Variants in ANK3 observed in about 807,000 individuals in gnomAD.
ANK3 encodes the protein ankyrin 3.
In ANK3, 57 loss-of-function variants were observed where a neutral mutation model predicts 370.9. The observed-to-expected ratio is 0.15, with a 90% confidence interval of 0.12 to 0.19. ANK3 has a LOEUF of 0.19. ANK3 is among the 10% of genes least tolerant of loss of function. ANK3 has a pLI of 1.00. For synonymous variants in ANK3, 1,929 were observed against 1,946.3 expected (o/e 0.99, Z 0.23); for missense variants, 4,439 against 5,302.1 (o/e 0.84, Z 5.06).
chr10:60,657,979 A>C (rs1588983276), intron 1 of ANK3, among the ~76,000 whole-genome samples: 1 of 146,522 alleles, frequency 6.8e-6, no homozygotes, highest in Non-Finnish European at 1.5e-5. Flanking sequence ...ATTGACTCTA[A>C]TTTTACTCCT....
chr10:60,714,781 A>G (rs2079758645), intron 1 of ANK3, among the ~76,000 whole-genome samples: 1 of 152,164 alleles, frequency 6.6e-6, no homozygotes, highest in Non-Finnish European at 1.5e-5. Context: ...TTAAGCCCCT[A>G]GAGTTTGAGA....
At chr10:60,386,253 G>A (rs1346850522) in intron 1 of ANK3, among the ~76,000 whole-genome samples, 1 of 152,066 alleles carries the variant, frequency 6.6e-6, no homozygotes, top group African/African-American at 2.4e-5. Context: ...GCAGAGAAGT[G>A]TGAAGGGAAA....
chr10:60,111,770 C>T, intron 26 of ANK3: 1 of 455,788 alleles, frequency 2.2e-6, no homozygotes, highest in Non-Finnish European at 4.4e-6. Flanking sequence ...AGAATAGCTG[C>T]AAAATAATTT....
chr10:60,667,550 C>T (rs1039805304), intron 1 of ANK3, among the ~76,000 whole-genome samples: 9 of 151,758 alleles, frequency 5.9e-5, no homozygotes, highest in Non-Finnish European at 1.0e-4. Flanking sequence ...TCAAAGTCAT[C>T]GTAGATATAG....
intron 2 of ANK3, among the ~76,000 whole-genome samples, chr10:60,435,575 C>T (rs1316065646): frequency 6.6e-6 from 1 of 152,136 alleles, no homozygotes; most frequent in Non-Finnish European, 1.5e-5. Context: ...AGAATTACCA[C>T]TATCTAATTT....
chr10:60,058,574 A>G (rs1032625052), intron 41 of ANK3, among the ~76,000 whole-genome samples: 7 of 152,224 alleles, frequency 4.6e-5, no homozygotes, highest in Non-Finnish European at 2.9e-5. Flanking sequence ...CACTTTTTAC[A>G]TTAAGACATT....
intron 42 of ANK3, chr10:60,053,843 G>C (rs1205041627): frequency 8.9e-6 from 7 of 784,560 alleles, no homozygotes; most frequent in Non-Finnish European, 1.2e-5. Context: ...AACATCTTTG[G>C]TTTTCTTGTG....
At chr10:60,426,705 C>T (rs906794398) in intron 2 of ANK3, among the ~76,000 whole-genome samples, 3 of 152,024 alleles carry the variant, frequency 2.0e-5, no homozygotes, top group Non-Finnish European at 4.4e-5. Flanking sequence ...GCTGAAAGGC[C>T]GTCAAGCATC....
chr10:60,146,351 G>A (rs2094823156), intron 23 of ANK3, among the ~76,000 whole-genome samples: 1 of 152,154 alleles, frequency 6.6e-6, no homozygotes, highest in Non-Finnish European at 1.5e-5. Flanking sequence ...TTGTAACATG[G>A]GAAAACTGCA....
intron 17 of ANK3, among the ~76,000 whole-genome samples, 195 bp from the exon 18 acceptor site, chr10:60,181,622 C>T (rs987345376): frequency 2.6e-5 from 4 of 152,064 alleles, no homozygotes; most frequent in Non-Finnish European, 5.9e-5. Context: ...TGAGACCAGC[C>T]TGGCCAACAT....
intron 8 of ANK3, among the ~76,000 whole-genome samples, chr10:60,220,163 C>CA (rs1401612368): frequency 1.3e-5 from 2 of 152,018 alleles, no homozygotes; most frequent in African/African-American, 4.8e-5. Flanking sequence ...ACCACCTACA[C>CA]AAAAAACATT....
chr10:60,355,670 C>T (rs139157799), intron 1 of ANK3, among the ~76,000 whole-genome samples: 9 of 152,326 alleles, frequency 5.9e-5, no homozygotes, highest in African/African-American at 1.2e-4. Context: ...CTCACCTCCA[C>T]GGTCATAGTG....
At chr10:60,512,531 T>TTAAGCAAAATCA (rs2076113341) in intron 2 of ANK3, among the ~76,000 whole-genome samples, 1 of 152,150 alleles carries the variant, frequency 6.6e-6, no homozygotes, top group African/African-American at 2.4e-5. Flanking sequence ...AAGAAAATTC[T>TTAAGCAAAATCA]TAAGCAAAAT....
intron 1 of ANK3, among the ~76,000 whole-genome samples, chr10:60,365,484 A>G (rs1399120075): frequency 6.6e-6 from 1 of 152,254 alleles, no homozygotes; most frequent in Non-Finnish European, 1.5e-5. Context: ...ATATTGCATG[A>G]CATTATAAGC....
intron 2 of ANK3, among the ~76,000 whole-genome samples, chr10:60,503,705 A>G (rs1477489482): frequency 1.3e-5 from 2 of 152,172 alleles, no homozygotes; most frequent in Non-Finnish European, 2.9e-5. Flanking sequence ...AATAATCCCA[A>G]GATATCTCAT....
At chr10:60,498,536 G>T (rs754177118) in intron 2 of ANK3, among the ~76,000 whole-genome samples, 2 of 152,090 alleles carry the variant, frequency 1.3e-5, no homozygotes, top group Non-Finnish European at 2.9e-5. Context: ...CCACAAGTGT[G>T]CATCACCATA....
At chr10:60,301,035 A>G (rs1179724519) in intron 1 of ANK3, among the ~76,000 whole-genome samples, 1 of 151,160 alleles carries the variant, frequency 6.6e-6, no homozygotes, top group Non-Finnish European at 1.5e-5. Context: ...GCAACTGATG[A>G]TCATCTTTTT....
chr10:60,057,567 T>TG (rs1329472947), intron 41 of ANK3, among the ~76,000 whole-genome samples: 1 of 152,200 alleles, frequency 6.6e-6, no homozygotes, highest in Non-Finnish European at 1.5e-5. Flanking sequence ...TATAGCTTTA[T>TG]GACTTTGGTT....
chr10:60,324,647 G>A (rs1459730), intron 1 of ANK3, among the ~76,000 whole-genome samples: 13,522 of 152,084 alleles, frequency 0.089, 823 homozygotes, highest in South Asian at 0.15. Flanking sequence ...CCAGAGACCC[G>A]TAAGTCTCCT....
Sources: gnomAD v4.1 joint callset for allele counts (sites outside exome capture counted in the v4.1 genomes callset) on GRCh38, gnomAD v4.1.1 for gene constraint, MANE v1.5 for transcripts, NCBI Gene and HGNC (gene_info 2026-07-23, HGNC 2026-07-21) for gene names.